ACVR1C: variants seen among roughly 807,000 people sequenced by gnomAD.
The protein encoded by ACVR1C is activin A receptor type 1C.
A neutral mutation model predicts 57.9 loss-of-function variants in ACVR1C; 23 were observed. That is an observed-to-expected ratio of 0.40 (90% CI 0.29 to 0.56). ACVR1C has a LOEUF of 0.56. Among genes scored for constraint, ACVR1C ranks in the 20% least tolerant of loss-of-function variants. The pLI, the probability that ACVR1C is intolerant of heterozygous loss-of-function variation, is 0.50. For missense variants in ACVR1C, 480 were observed against 607.9 expected, an observed-to-expected ratio of 0.79 and a Z score of 2.21; for synonymous variants, 214 against 215.3, an observed-to-expected ratio of 0.99 and a Z score of 0.05.
Position 157,587,306 on chromosome 2 carries a change from G to C in ACVR1C, c.185C>G (p.Ser62Cys). The C allele has an allele frequency of 6.2e-7, 1 of 1,613,674 alleles. No individual in the cohort carries two copies. Among genetic ancestry groups the C allele is most frequent in the Non-Finnish European group, 8.5e-7 (1 of 1,179,650 alleles). ...LTNGKEQVIK[S>C]CVSLPELNAQ... ...ATTCAGTTCTGGAAGGGAGACACAG[G>C]ATTTGATCACCTGCTCTTTTCCATT... The change falls in exon 2 of 9, where the codon TCC becomes TGC. Residue 62 changes from serine to cysteine, a missense_variant. Physicochemically the swap from Ser to Cys is moderately radical, Grantham distance 112 (BLOSUM62 -1). Coordinates refer to ENST00000243349, the MANE Select transcript of ACVR1C (RefSeq NM_145259.3).
At chr2:157,537,302 A>G (rs1391731588) in intron 8 of ACVR1C, among the ~76,000 whole-genome samples, 4 of 151,952 alleles carry the variant, frequency 2.6e-5, no homozygotes, top group East Asian at 1.9e-4. Context: ...AAAATGTTCT[A>G]TTTTTCAAAC....
intron 8 of ACVR1C, among the ~76,000 whole-genome samples, chr2:157,537,193 T>A (rs1206448596): frequency 6.6e-6 from 1 of 151,998 alleles, no homozygotes; most frequent in African/African-American, 2.4e-5. Flanking sequence ...AAAAAATACA[T>A]ATAGTAAAAT....
intron 5 of ACVR1C, 114 bp from the exon 6 acceptor site, chr2:157,542,976 G>C (rs1191227794): frequency 9.5e-7 from 1 of 1,054,676 alleles, no homozygotes; most frequent in Non-Finnish European, 1.4e-6. Context: ...TTTCTTCAAA[G>C]CTCTTGTCAC....
intron 2 of ACVR1C, among the ~76,000 whole-genome samples, chr2:157,560,144 G>A (rs978024983): frequency 8.5e-5 from 13 of 152,108 alleles, no homozygotes; most frequent in African/African-American, 2.9e-4. Context: ...GCTTCTCCCA[G>A]AACAGTTTAC....
At chr2:157,558,729 T>A (rs1224678704) in intron 2 of ACVR1C, among the ~76,000 whole-genome samples, 1 of 152,204 alleles carries the variant, frequency 6.6e-6, no homozygotes, top group African/African-American at 2.4e-5. Context: ...TTAGAATAGG[T>A]ACTAAAAGAA....
At chr2:157,538,493 C>G in intron 8 of ACVR1C, 80 bp downstream of exon 8, 1 of 1,296,654 alleles carries the variant, frequency 7.7e-7, no homozygotes, top group Non-Finnish European at 1.0e-6. Context: ...ATTGGAAAAA[C>G]TATATGGTCT....
rs77690641 is a variant in ACVR1C at position 157,538,197 on chromosome 2, G to C, written c.1356+376C>G. ...TGCCAAAGCATTAAAGGGTCAGTGT[G>C]TGATCTTCCAGCTCCTCTCTTCACC... is the stretch of plus-strand genomic sequence containing the variant. On this transcript the variant is annotated intron_variant, in intron 8 of 8. Transcript: ENST00000243349. Among the ~76,000 whole-genome samples, 1,471 of 152,284 alleles carry C rather than the reference G, an allele frequency of 9.7e-3. 20 individuals carry two copies. The highest frequency in any genetic ancestry group is 0.034 in the African/African-American group (1,414 of 41,558).
At chr2:157,550,776 A>C (rs1424429556) in intron 3 of ACVR1C, among the ~76,000 whole-genome samples, 2 of 151,536 alleles carry the variant, frequency 1.3e-5, no homozygotes, top group African/African-American at 2.4e-5. Flanking sequence ...AATAAAATGT[A>C]TGGTTCCTGG....
At chr2:157,588,942 T>C (rs560264328) in intron 1 of ACVR1C, among the ~76,000 whole-genome samples, 1 of 149,218 alleles carries the variant, frequency 6.7e-6, no homozygotes, top group South Asian at 2.1e-4. Context: ...TGTATTCATT[T>C]TTTGTATTCA....
chr2:157,616,593 A>T (rs370987996), intron 1 of ACVR1C, among the ~76,000 whole-genome samples: 1 of 152,126 alleles, frequency 6.6e-6, no homozygotes, highest in Non-Finnish European at 1.5e-5. Context: ...TTCCTTAAGT[A>T]TCTCCTCATA....
intron 1 of ACVR1C, among the ~76,000 whole-genome samples, chr2:157,607,461 G>T (rs1432262637): frequency 6.6e-6 from 1 of 151,428 alleles, no homozygotes; most frequent in African/African-American, 2.4e-5. Context: ...GCTCTTTTTT[G>T]ATTCCATATG....
At chr2:157,604,732 C>T (rs193004469) in intron 1 of ACVR1C, among the ~76,000 whole-genome samples, 134 of 151,970 alleles carry the variant, frequency 8.8e-4, no homozygotes, top group Middle Eastern at 6.8e-3. Context: ...ATTTTGTCCA[C>T]TTCTTACTGA....
chr2:157,556,445 T>G (rs1246947081), intron 2 of ACVR1C, 113 bp from the exon 3 acceptor site: 1 of 1,361,692 alleles, frequency 7.3e-7, no homozygotes, highest in African/African-American at 1.5e-5. Context: ...CTACACAGTA[T>G]GCACTTATGT....
intron 1 of ACVR1C, among the ~76,000 whole-genome samples, chr2:157,588,054 T>C (rs563060655): frequency 1.3e-5 from 2 of 152,160 alleles, no homozygotes; most frequent in South Asian, 2.1e-4. Flanking sequence ...TATACTAGAA[T>C]GAATCATTTG....
chr2:157,547,827 A>T (rs1687806543), intron 4 of ACVR1C, among the ~76,000 whole-genome samples: 1 of 151,538 alleles, frequency 6.6e-6, no homozygotes, highest in African/African-American at 2.4e-5. Flanking sequence ...GTTTAATTAG[A>T]TCCCATTTGT....
At chr2:157,555,942 A>G in intron 3 of ACVR1C, 151 bp downstream of exon 3, 2 of 887,356 alleles carry the variant, frequency 2.3e-6, no homozygotes, top group Non-Finnish European at 1.6e-6. Flanking sequence ...TCTCTTCCTC[A>G]GGTACTAAAA....
At position 157,532,069 on chromosome 2, in the gene ACVR1C, C is replaced by T. The variant is rs1192536413; in HGVS notation, c.*1849G>A. The stretch of plus-strand genomic sequence containing the variant: ...GAGAGCATTAACGAGTATGGAAGTA[C>T]ACGCAAACTCCATAGCTGTCAGTTT... On this transcript the variant is annotated 3_prime_UTR_variant, in exon 9 of 9. Transcript: ENST00000243349. 1 of 152,110 alleles carries T rather than the reference C, an allele frequency of 6.6e-6. No individual in the cohort carries two copies. Among genetic ancestry groups the T allele is most frequent in the African/African-American group, 2.4e-5 (1 of 41,434 alleles). 9.4% of individuals were successfully genotyped at this position (152,110 alleles called of 1,614,324 possible).
In ACVR1C at chr2:157,532,549, C is replaced by T. The variant is rs1687381360; in HGVS notation, c.*1369G>A. On this transcript the variant is annotated 3_prime_UTR_variant, in exon 9 of 9. Transcript: ENST00000243349. ...AGTTTGAAAAAAGATGTTTTAGGAG[C>T]ATAAAAGACATCATGTTAAATCTCG... The T allele has an allele frequency of 1.3e-5, 2 of 151,864 alleles. No individual in the cohort carries two copies. The highest frequency in any genetic ancestry group is 2.4e-5 in the African/African-American group (1 of 41,364). The allele number at this position is 151,864 out of a possible 1,614,324, so 9.4% of individuals were successfully genotyped here.
intron 2 of ACVR1C, among the ~76,000 whole-genome samples, chr2:157,559,137 A>G (rs191860848): frequency 1.3e-5 from 2 of 152,348 alleles, no homozygotes; most frequent in East Asian, 3.9e-4. Context: ...AAAAAGCAAA[A>G]GGTCAGCAAC....
Sources: allele counts gnomAD v4.1 joint callset (sites outside exome capture counted in the v4.1 genomes callset), GRCh38; gene constraint gnomAD v4.1.1; transcripts MANE v1.5; gene names NCBI Gene and HGNC (gene_info 2026-07-23, HGNC 2026-07-21).